HOMER1: variants seen among roughly 807,000 people sequenced by gnomAD.
HOMER1 encodes the protein homer protein homolog 1.
HOMER1 carries 3 observed loss-of-function variants against 48.9 expected under a neutral mutation model. The observed-to-expected ratio is 0.06, with a 90% confidence interval of 0.03 to 0.16. The LOEUF is 0.16. HOMER1 is among the 10% of genes least tolerant of loss of function. HOMER1 has a pLI of 1.00. For missense variants in HOMER1, 247 were observed against 411.4 expected (o/e 0.60, Z 3.46); for synonymous variants, 134 against 146.4 (o/e 0.92, Z 0.61).
chr5:79,489,470 T>C lies in HOMER1; in HGVS notation c.5+23300A>G, dbSNP rs552816549. Among the ~76,000 whole-genome samples the C allele has an allele frequency of 5.3e-5, 8 of 152,102 alleles. No individual in the cohort carries two copies. In the East Asian group the frequency reaches 7.8e-4, roughly 15 times the overall value. On this transcript the variant is annotated intron_variant, in intron 1 of 8. Coordinates refer to ENST00000334082, the MANE Select transcript of HOMER1 (RefSeq NM_004272.5). ...TACTTGGGAGGCTGAGGCAGGAGAA[T>C]TGCTTGAACCCAGGAGGCGGAGGTT...
At chr5:79,418,812 T>C (rs1295173889) in intron 5 of HOMER1, among the ~76,000 whole-genome samples, 1 of 152,220 alleles carries the variant, frequency 6.6e-6, no homozygotes, top group Non-Finnish European at 1.5e-5. Context: ...GTGCTATTCC[T>C]TTGCTCTGTT....
At chr5:79,471,063 C>A (rs1751601112) in intron 1 of HOMER1, among the ~76,000 whole-genome samples, 1 of 152,010 alleles carries the variant, frequency 6.6e-6, no homozygotes, top group South Asian at 2.1e-4. Flanking sequence ...GGTGGGGAGG[C>A]AGGATAAAGC....
intron 2 of HOMER1, among the ~76,000 whole-genome samples, chr5:79,451,371 C>T (rs1362756526): frequency 6.6e-6 from 1 of 151,850 alleles, no homozygotes; most frequent in Non-Finnish European, 1.5e-5. Flanking sequence ...ACCTATGATC[C>T]AAAAAGTGTC....
chr5:79,417,369 C>T (rs201033062), intron 5 of HOMER1, among the ~76,000 whole-genome samples: 1 of 152,282 alleles, frequency 6.6e-6, no homozygotes, highest in East Asian at 1.9e-4. Flanking sequence ...GTCTCAATCT[C>T]CTGACCTCGT....
chr5:79,510,984 C>T, intron 1 of HOMER1: 1 of 442,196 alleles, frequency 2.3e-6, no homozygotes, highest in Non-Finnish European at 4.1e-6. Context: ...CTGGGGTCCT[C>T]CTGTGCTATT....
At chr5:79,391,529 A>T (rs1393787405) in intron 8 of HOMER1, among the ~76,000 whole-genome samples, 1 of 151,788 alleles carries the variant, frequency 6.6e-6, no homozygotes. Flanking sequence ...CAGATCACGA[A>T]GTCAGGAGAT....
intron 1 of HOMER1, among the ~76,000 whole-genome samples, chr5:79,465,651 G>T (rs6865200): frequency 7.3e-6 from 1 of 136,848 alleles, no homozygotes; most frequent in Non-Finnish European, 1.5e-5. Flanking sequence ...GGAGTGCAGT[G>T]GTGCAATCTT....
intron 1 of HOMER1, among the ~76,000 whole-genome samples, chr5:79,495,013 A>G (rs1752382421): frequency 1.3e-5 from 2 of 152,170 alleles, no homozygotes; most frequent in African/African-American, 4.8e-5. Flanking sequence ...AGAAGTTACT[A>G]TTCTCCTCTA....
chr5:79,494,093 T>A (rs1752358580), intron 1 of HOMER1, among the ~76,000 whole-genome samples: 1 of 152,216 alleles, frequency 6.6e-6, no homozygotes, highest in Non-Finnish European at 1.5e-5. Flanking sequence ...TTGGCTCTTG[T>A]GACACTATTC....
chr5:79,460,462 G>A (rs893200079), intron 1 of HOMER1, among the ~76,000 whole-genome samples: 1 of 152,138 alleles, frequency 6.6e-6, no homozygotes, highest in Non-Finnish European at 1.5e-5. Context: ...ATAAAAAGGA[G>A]GTGGGTTGGA....
chr5:79,407,295 A>T (rs1749690284), intron 5 of HOMER1, among the ~76,000 whole-genome samples: 2 of 152,014 alleles, frequency 1.3e-5, no homozygotes, highest in South Asian at 4.1e-4. Flanking sequence ...GAAAAAAAAA[A>T]TTACAAGATG....
chr5:79,487,495 G>T (rs1423248460), intron 1 of HOMER1, among the ~76,000 whole-genome samples: 1 of 152,118 alleles, frequency 6.6e-6, no homozygotes, highest in African/African-American at 2.4e-5. Flanking sequence ...AGCATGCCGA[G>T]ATCTAGCAAC....
At chr5:79,454,913 G>A (rs1040118076) in intron 2 of HOMER1, among the ~76,000 whole-genome samples, 7 of 152,074 alleles carry the variant, frequency 4.6e-5, no homozygotes, top group African/African-American at 1.7e-4. Context: ...ACCCTATGGT[G>A]GAATGATGTA....
intron 8 of HOMER1, among the ~76,000 whole-genome samples, chr5:79,387,927 T>C (rs1410115451): frequency 6.6e-6 from 1 of 152,228 alleles, no homozygotes; most frequent in Non-Finnish European, 1.5e-5. Context: ...AAATTGCCTT[T>C]AATTAGAAAA....
chr5:79,459,549 T>C (rs544537494), intron 1 of HOMER1, among the ~76,000 whole-genome samples: 2 of 152,290 alleles, frequency 1.3e-5, no homozygotes, highest in African/African-American at 2.4e-5. Flanking sequence ...ACTAGGGAAA[T>C]AATTTTCACT....
chr5:79,485,102 CAAAACAAAACAAAAA>C (rs1392284962), intron 1 of HOMER1, among the ~76,000 whole-genome samples: 1 of 150,834 alleles, frequency 6.6e-6, no homozygotes, highest in African/African-American at 2.5e-5. Context: ...CAAAACAAAA[CAAAACAAAACAAAAA>C]CACTAGTACT....
At chr5:79,404,698 T>TTTTCTTTC (rs139502062) in intron 5 of HOMER1, among the ~76,000 whole-genome samples, 4 of 151,514 alleles carry the variant, frequency 2.6e-5, no homozygotes, top group African/African-American at 7.3e-5. Flanking sequence ...ACATTCTGCC[T>TTTTCTTTC]TTTCTTTCTT....
chr5:79,379,329 T>C (rs1283954703), intron 8 of HOMER1, among the ~76,000 whole-genome samples: 1 of 110,824 alleles, frequency 9.0e-6, no homozygotes, highest in Non-Finnish European at 1.7e-5. Context: ...TAAATATTTA[T>C]ATATATTTAT....
At chr5:79,385,354 G>A (rs1177125559) in intron 8 of HOMER1, among the ~76,000 whole-genome samples, 1 of 152,088 alleles carries the variant, frequency 6.6e-6, no homozygotes, top group Non-Finnish European at 1.5e-5. Flanking sequence ...CTATTCATCT[G>A]ACAAGGGACT....
Sources: gnomAD v4.1 joint callset for allele counts (sites outside exome capture counted in the v4.1 genomes callset) on GRCh38, gnomAD v4.1.1 for gene constraint, MANE v1.5 for transcripts, NCBI Gene and HGNC (gene_info 2026-07-23, HGNC 2026-07-21) for gene names.